The following ACOT6 variants were observed in gnomAD, a reference collection of about 807,000 sequenced individuals.
ACOT6 encodes acyl-coenzyme A thioesterase 6.
In ACOT6, 14 loss-of-function variants were observed where a neutral mutation model predicts 12.3. The ratio of observed to expected loss-of-function variants is 1.14; its 90% confidence interval spans 0.75 to 1.78. The LOEUF is 1.78. ACOT6 is among the 40% of genes most tolerant of loss of function. The pLI is 0.00. For missense variants in ACOT6, 523 were observed against 551.8 expected (o/e 0.95, Z 0.52); for synonymous variants, 218 against 231.3 (o/e 0.94, Z 0.52).
chr14:73,612,723 GC>G lies in ACOT6; in HGVS notation c.153del (p.Tyr52ThrfsTer43), dbSNP rs1890468091. Reference sequence around the variant, plus strand: ...GGCGCGCTCTTCCGGGCCCACGCGCGCTACCGTGCCGACGCCCGCGACGAGC... The same window carrying G: ...GGCGCGCTCTTCCGGGCCCACGCGCGTACCGTGCCGACGCCCGCGACGAGC... ...EEGALFRAHA[R>X]YRADARDELD... On this transcript the variant is annotated frameshift_variant, in exon 1 of 3. Coordinates refer to ENST00000645972, the MANE Select transcript of ACOT6 (RefSeq NM_001365788.1). LOFTEE classifies it high-confidence loss of function. 7.3e-7 allele frequency: 1 copy of G among 1,370,136 alleles called. No homozygotes were observed. The allele number at this position is 1,370,136 out of a possible 1,614,324, so 84.9% of individuals were successfully genotyped here.
In ACOT6 at chr14:73,617,143, A is replaced by G; in HGVS notation, c.611A>G (p.His204Arg). Residue 204 changes from histidine (H) to arginine (R), a missense_variant, in exon 2 of 3, where the codon CAT becomes CGT. This residue lies in a region of ACOT6 where 219 missense variants were observed against 277.0 expected (regional missense o/e 0.79). Transcript: ENST00000645972. ...CTCCCCGAAGATCTGAATGATGTAC[A>G]TCTGGAGTACTTTGAAGAAGCCGTG... is the stretch of plus-strand genomic sequence containing the variant. ...EDLPEDLNDV[H>R]LEYFEEAVDF... 2 of 1,614,036 alleles carry G rather than the reference A, an allele frequency of 1.2e-6. No individual in the cohort carries two copies. The highest frequency in any genetic ancestry group is 1.7e-6 in the Non-Finnish European group (2 of 1,179,940).
chr14:73,613,065 A>C, intron 1 of ACOT6, 33 bp downstream of exon 1: 1 of 595,030 alleles, frequency 1.7e-6, no homozygotes, highest in Non-Finnish European at 2.7e-6. Context: ...GAGCTCTGCG[A>C]CCCCCACCGG....
chr14:73,612,728 C>T lies in ACOT6; in HGVS notation c.157C>T (p.Arg53Cys). The change falls in exon 1 of 3, where the codon CGT becomes TGT. Residue 53 changes from arginine (R) to cysteine (C), a missense_variant. This residue lies in a region of ACOT6 where 304 missense variants were observed against 274.8 expected (regional missense o/e 1.11). Transcript: ENST00000645972. ...GCTCTTCCGGGCCCACGCGCGCTAC[C>T]GTGCCGACGCCCGCGACGAGCTGGA... The part of the protein sequence containing the change: ...GALFRAHARY[R>C]ADARDELDLE... 10 of 1,369,982 alleles carry T rather than the reference C, an allele frequency of 7.3e-6. 1 individual carries two copies. The highest frequency in any genetic ancestry group is 9.4e-6 in the Non-Finnish European group (10 of 1,069,184). 84.9% of individuals were successfully genotyped at this position (1,369,982 alleles called of 1,614,324 possible). A position where few individuals can be genotyped will look rare whatever the true frequency, so the allele number is the denominator to read the frequency against.
chr14:73,619,189 A>T (rs529773787), intron 2 of ACOT6, 45 bp from the exon 3 acceptor site: 1 of 1,519,500 alleles, frequency 6.6e-7, no homozygotes, highest in South Asian at 1.3e-5. Flanking sequence ...TGTGTCCTCC[A>T]TTTATGAATT....
At chr14:73,616,758 A>C (rs2139999797) in intron 1 of ACOT6, 2 of 366,448 alleles carry the variant, frequency 5.5e-6, no homozygotes, top group East Asian at 4.2e-5. Context: ...ACACGGATGA[A>C]CTGTACAGTG....
chr14:73,612,674 C>T lies in ACOT6; in HGVS notation c.103C>T (p.Arg35Cys), dbSNP rs1227943013. 6.4e-6 allele frequency: 9 copies of T among 1,411,124 alleles called. No individual in the cohort carries two copies. Among genetic ancestry groups the T allele is most frequent in the Non-Finnish European group, 8.3e-6 (9 of 1,086,448 alleles). The allele number at this position is 1,411,124 out of a possible 1,614,324, so 87.4% of individuals were successfully genotyped here. ...GLAPEQPVTLRTSLRDEEGAL... is the reference protein window; with the variant it reads ...GLAPEQPVTLCTSLRDEEGAL... ...GGCCCCGGAGCAGCCAGTCACGCTG[C>T]GCACGTCCCTGCGCGACGAAGAGGG... Residue 35 changes from arginine (R) to cysteine (C), a missense_variant, in exon 1 of 3, where the codon CGC (arginine) becomes TGC (cysteine). Physicochemically the swap from Arg to Cys is radical, Grantham distance 180. Around this residue, in one of 2 missense-constraint regions of ACOT6, gnomAD observed 304 missense variants for 274.8 expected, o/e 1.11. Coordinates refer to ENST00000645972, the MANE Select transcript of ACOT6 (RefSeq NM_001365788.1).
chr14:73,612,838 C>A lies in ACOT6; in HGVS notation c.267C>A (p.Ala89=). 2 of 1,428,546 alleles carry A rather than the reference C, an allele frequency of 1.4e-6. No homozygotes were observed. The highest frequency in any genetic ancestry group is 1.9e-6 in the Non-Finnish European group (2 of 1,072,612). The allele number at this position is 1,428,546 out of a possible 1,614,324, so 88.5% of individuals were successfully genotyped here. A position where few individuals can be genotyped will look rare whatever the true frequency, so the allele number is the denominator to read the frequency against. Residue 89 remains alanine (A), a synonymous_variant, in exon 1 of 3, where the codon GCC becomes GCA. Transcript: ENST00000645972. ...TGTGGGCGTTGGAGCCCGAGAAAGC[C>A]TTGGTGCGGCTGGTGAAGCGCGACG... ...GLLWALEPEK[A]LVRLVKRDVR... is the part of the protein sequence containing the mutation.
upstream of ACOT6, chr14:73,610,945 A>C (rs1890437065): frequency 1.3e-5 from 2 of 152,204 alleles, no homozygotes; most frequent in South Asian, 4.1e-4. Context: ...AGTGGGGCAC[A>C]CACACATGAG....
upstream of ACOT6, chr14:73,612,459 T>A (rs1039304676): frequency 1.4e-6 from 1 of 692,262 alleles, no homozygotes; most frequent in Non-Finnish European, 2.1e-6. Flanking sequence ...GTCCAACCAA[T>A]GGGAGTAGTG....
intron 1 of ACOT6, among the ~76,000 whole-genome samples, chr14:73,614,659 ATCGC>A (rs1890502214): frequency 6.6e-6 from 1 of 151,824 alleles, no homozygotes; most frequent in Non-Finnish European, 1.5e-5. Flanking sequence ...AGGTGGGAGA[ATCGC>A]TTGAACCCGG....
chr14:73,617,303 C>G (rs973602079), intron 2 of ACOT6, 111 bp downstream of exon 2: 1 of 1,421,392 alleles, frequency 7.0e-7, no homozygotes, highest in Non-Finnish European at 9.9e-7. Flanking sequence ...CAGGAGATAC[C>G]AAGTCTCCTT....
chr14:73,618,325 A>ATTTATAATTTTGAAATATTT (rs1890573970), intron 2 of ACOT6, among the ~76,000 whole-genome samples: 3 of 151,824 alleles, frequency 2.0e-5, no homozygotes, highest in African/African-American at 7.3e-5. Flanking sequence ...GGCACCCCAG[A>ATTTATAATTTTGAAATATTT]ATTCTCTGCC....
chr14:73,619,422 A>C lies in ACOT6; in HGVS notation c.849A>C (p.Lys283Asn), dbSNP rs1890593504. ...TTGTCGATGATCTAGGAAAAGTAAA[A>C]ATCACTAAGTCAGGATTTCTCACTT... ...PKLVDDLGKV[K>N]ITKSGFLTFM... The change falls in exon 3 of 3, where the codon AAA becomes AAC. Residue 283 changes from lysine (K) to asparagine (N), a missense_variant. Around this residue, in one of 2 missense-constraint regions of ACOT6, gnomAD observed 219 missense variants for 277.0 expected, o/e 0.79. Coordinates refer to ENST00000645972, the MANE Select transcript of ACOT6 (RefSeq NM_001365788.1). 1 of 1,614,058 alleles carries C rather than the reference A, an allele frequency of 6.2e-7. No individual in the cohort carries two copies. Among genetic ancestry groups the C allele is most frequent in the African/African-American group, 1.3e-5 (1 of 74,936 alleles).
chr14:73,616,175 C>T (rs1165494207), intron 1 of ACOT6, among the ~76,000 whole-genome samples: 1 of 151,998 alleles, frequency 6.6e-6, no homozygotes, highest in African/African-American at 2.4e-5. Context: ...GTTATGTTGC[C>T]CAGGCTGGTC....
chr14:73,615,720 T>G, intron 1 of ACOT6, among the ~76,000 whole-genome samples: 1 of 150,344 alleles, frequency 6.7e-6, no homozygotes, highest in South Asian at 2.1e-4. Context: ...GCAACAAGAG[T>G]GAAACCTTGT....
Position 73,612,797 on chromosome 14 carries a change from CA to C in ACOT6, c.227del (p.Gln76ArgfsTer19). ...PALGGSFAGL[Q>X]PMGLLWALEP... ...GCTGGGAGGCAGCTTCGCGGGGCTC[CA>C]GCCCATGGGGCTGCTGTGGGCGTTG... On this transcript the variant is annotated frameshift_variant, in exon 1 of 3. Coordinates refer to ENST00000645972, the MANE Select transcript of ACOT6 (RefSeq NM_001365788.1). LOFTEE classifies it high-confidence loss of function. 7.2e-7 allele frequency: 1 copy of C among 1,380,366 alleles called. No homozygotes were observed. The highest frequency in any genetic ancestry group is 9.4e-7 in the Non-Finnish European group (1 of 1,065,950). 85.5% of individuals were successfully genotyped at this position (1,380,366 alleles called of 1,614,324 possible).
intron 1 of ACOT6, among the ~76,000 whole-genome samples, chr14:73,615,589 G>A (rs1377038093): frequency 6.6e-6 from 1 of 151,798 alleles, no homozygotes; most frequent in East Asian, 1.9e-4. Context: ...AATTAGCCAG[G>A]TGTGGTGGCA....
chr14:73,619,354 ACAG>A lies in ACOT6; in HGVS notation c.782_784del (p.Thr261_Val262delinsIle). On this transcript the variant is annotated inframe_deletion, in exon 3 of 3. Coordinates refer to ENST00000645972, the MANE Select transcript of ACOT6 (RefSeq NM_001365788.1). ...ACTTATCAATGCCTGTGTAGCCAAC[ACAG>A]TAGCTCCTCTACATTACAAGGATAT... 1.2e-6 allele frequency: 2 copies of A among 1,614,188 alleles called. No individual in the cohort carries two copies. Among genetic ancestry groups the A allele is most frequent in the East Asian group, 4.5e-5 (2 of 44,882 alleles).
At chr14:73,612,290 C>T (rs1196971250), upstream of ACOT6, among the ~76,000 whole-genome samples, 1 of 152,190 alleles carries the variant, frequency 6.6e-6, no homozygotes, top group African/African-American at 2.4e-5. Flanking sequence ...GATCCACCCA[C>T]CTCGGCCTCC....
Sources: allele counts gnomAD v4.1 joint callset (sites outside exome capture counted in the v4.1 genomes callset), GRCh38; gene constraint gnomAD v4.1.1; regional missense constraint gnomAD v4.1.1; transcripts MANE v1.5; gene names NCBI Gene and HGNC (gene_info 2026-07-23, HGNC 2026-07-21).